The following GABRB3 variants were observed in gnomAD, a reference collection of about 807,000 sequenced individuals.
GABRB3 encodes gamma-aminobutyric acid type A receptor subunit beta3.
GABRB3 carries 14 observed loss-of-function variants against 52.1 expected under a neutral mutation model. The ratio of observed to expected loss-of-function variants is 0.27; its 90% CI spans 0.18 to 0.42. The LOEUF (loss-of-function observed/expected upper bound fraction) is 0.42, where lower values mean the gene tolerates loss of function less well. Ranked by LOEUF, GABRB3 falls within the 10% of genes least tolerant of loss-of-function variation. The pLI is 1.00. For synonymous variants in GABRB3, 260 were observed against 232.3 expected (o/e 1.12, Z -1.08); for missense variants, 307 against 609.1 (o/e 0.50, Z 5.22).
At chr15:26,742,867 T>G (rs1371242289) in intron 3 of GABRB3, among the ~76,000 whole-genome samples, 1 of 151,362 alleles carries the variant, frequency 6.6e-6, no homozygotes, top group Non-Finnish European at 1.5e-5. Context: ...CATGTTAATT[T>G]GGGAATGACT....
At chr15:26,642,401 AG>A in intron 3 of GABRB3, 8 of 1,068,812 alleles carry the variant, frequency 7.5e-6, no homozygotes, top group Middle Eastern at 2.8e-4. Context: ...GAATATACTG[AG>A]GGGCAACTGT....
At chr15:26,599,072 A>T (rs1278584411) in intron 4 of GABRB3, among the ~76,000 whole-genome samples, 1 of 152,164 alleles carries the variant, frequency 6.6e-6, no homozygotes, top group East Asian at 1.9e-4. Context: ...AGTCAAGATG[A>T]TTCCACTCAG....
intron 4 of GABRB3, among the ~76,000 whole-genome samples, chr15:26,610,311 C>T (rs1040700306): frequency 2.0e-5 from 3 of 152,120 alleles, no homozygotes; most frequent in African/African-American, 7.2e-5. Flanking sequence ...CTGAAGCACC[C>T]GGAGAAAGCC....
intron 3 of GABRB3, among the ~76,000 whole-genome samples, chr15:26,732,882 C>G (rs1301315645): frequency 1.3e-5 from 2 of 151,904 alleles, no homozygotes; most frequent in Non-Finnish European, 2.9e-5. Context: ...CCTGTCATCC[C>G]AGCTACTCTG....
At chr15:26,642,872 A>G (rs955019056) in intron 3 of GABRB3, among the ~76,000 whole-genome samples, 1 of 152,104 alleles carries the variant, frequency 6.6e-6, no homozygotes, top group Non-Finnish European at 1.5e-5. Flanking sequence ...TATAAAAGAA[A>G]TATGTCATGG....
chr15:26,733,995 C>A (rs79185532), intron 3 of GABRB3, among the ~76,000 whole-genome samples: 1 of 147,592 alleles, frequency 6.8e-6, no homozygotes. Flanking sequence ...AGGTAAAAAA[C>A]CTAAATGTAA....
At chr15:26,675,043 G>T (rs996709177) in intron 3 of GABRB3, among the ~76,000 whole-genome samples, 7 of 152,146 alleles carry the variant, frequency 4.6e-5, no homozygotes, top group Admixed American at 6.5e-5. Context: ...AAGCTAGTGG[G>T]CCTTCCTATG....
At chr15:26,750,539 C>T (rs556326458) in intron 3 of GABRB3, among the ~76,000 whole-genome samples, 4 of 135,796 alleles carry the variant, frequency 2.9e-5, no homozygotes, top group East Asian at 2.3e-4. Context: ...TACCTATCTT[C>T]GAGGCATGCT....
chr15:26,581,713 C>T (rs1262659746), intron 5 of GABRB3, among the ~76,000 whole-genome samples: 1 of 152,200 alleles, frequency 6.6e-6, no homozygotes, highest in East Asian at 1.9e-4. Context: ...CATTCTTTCC[C>T]ACATTTGCAT....
At chr15:26,750,137 C>CA (rs1890464253) in intron 3 of GABRB3, 2 of 152,204 alleles carry the variant, frequency 1.3e-5, no homozygotes, top group Non-Finnish European at 2.9e-5. Context: ...TAAGCACCTC[C>CA]AACAGAAAGA....
At chr15:26,769,372 C>G (rs1413962945) in intron 3 of GABRB3, among the ~76,000 whole-genome samples, 2 of 152,190 alleles carry the variant, frequency 1.3e-5, no homozygotes, top group Admixed American at 1.3e-4. Context: ...CGCTAATCCT[C>G]TATCTAAATT....
chr15:26,704,387 T>G (rs896798184), intron 3 of GABRB3, among the ~76,000 whole-genome samples: 6 of 152,230 alleles, frequency 3.9e-5, no homozygotes, highest in Non-Finnish European at 8.8e-5. Flanking sequence ...TCAAGTGTCT[T>G]TGAGGTCATT....
intron 4 of GABRB3, among the ~76,000 whole-genome samples, chr15:26,618,444 G>A (rs904315324): frequency 5.3e-5 from 8 of 152,044 alleles, no homozygotes; most frequent in Non-Finnish European, 1.0e-4. Context: ...AAATGGTGCT[G>A]GGAAAACTGG....
rs1176104408 is a variant in GABRB3 at position 26,545,026 on chromosome 15, C to A, written c.*2767G>T. ...CTCCAATTCAACTCTCTTCTGTTAACACAGTCAGAGTTCTCTTCTCAATGC... is the reference window on the plus strand; with the variant it reads ...CTCCAATTCAACTCTCTTCTGTTAAAACAGTCAGAGTTCTCTTCTCAATGC... On this transcript the variant is annotated 3_prime_UTR_variant, in exon 9 of 9. Coordinates refer to ENST00000311550, the MANE Select transcript of GABRB3 (RefSeq NM_000814.6). The A allele has an allele frequency of 6.6e-6, 1 of 152,504 alleles. No individual in the cohort carries two copies. Among genetic ancestry groups the A allele is most frequent in the Non-Finnish European group, 1.5e-5 (1 of 68,040 alleles). The allele number at this position is 152,504 out of a possible 1,614,324, so 9.4% of individuals were successfully genotyped here. A position where few individuals can be genotyped will look rare whatever the true frequency, so the allele number is the denominator to read the frequency against.
chr15:26,642,431 A>G, intron 3 of GABRB3: 1 of 1,271,622 alleles, frequency 7.9e-7, no homozygotes. Flanking sequence ...ATGTATACAT[A>G]CATTTTCAAT....
chr15:26,769,387 T>A (rs879320928), intron 3 of GABRB3, among the ~76,000 whole-genome samples: 2 of 152,192 alleles, frequency 1.3e-5, no homozygotes, highest in Non-Finnish European at 2.9e-5. Flanking sequence ...TAAATTAACT[T>A]TTTGGCCAAA....
rs905290095 is a variant in GABRB3 at position 26,621,841 on chromosome 15, G to A, written c.241-307C>T. ...TAGAAATAAACGGGAAAAAGTCATC[G>A]TAAAATCAGGTTGCTGGCGGGGAAC... On this transcript the variant is annotated intron_variant, in intron 3 of 8. Transcript: ENST00000311550. The surrounding 1 kb of genome is among the most constrained non-coding windows in gnomAD (Gnocchi z 4.1). Among the ~76,000 whole-genome samples, 5 of 152,280 alleles carry A rather than the reference G, an allele frequency of 3.3e-5. No individual in the cohort carries two copies. The highest frequency in any genetic ancestry group is 7.4e-5 in the Non-Finnish European group (5 of 68,020).
chr15:26,730,540 A>G (rs1889884928), intron 3 of GABRB3, among the ~76,000 whole-genome samples: 2 of 151,870 alleles, frequency 1.3e-5, no homozygotes, highest in African/African-American at 4.8e-5. Flanking sequence ...AAAGAAGAGG[A>G]GCTGAAGAGG....
intron 4 of GABRB3, among the ~76,000 whole-genome samples, chr15:26,607,793 C>T (rs1030792694): frequency 3.3e-5 from 5 of 151,892 alleles, no homozygotes; most frequent in Non-Finnish European, 5.9e-5. Context: ...AAGACCTGTA[C>T]ACTGCAAACT....
Sources: gnomAD v4.1 joint callset for allele counts (sites outside exome capture counted in the v4.1 genomes callset) on GRCh38, gnomAD v4.1.1 for gene constraint, Gnocchi (gnomAD v3.1) non-coding constraint, MANE v1.5 for transcripts, NCBI Gene and HGNC (gene_info 2026-07-23, HGNC 2026-07-21) for gene names.